P3H2: variants seen among roughly 807,000 people sequenced by gnomAD.
The protein encoded by P3H2 is prolyl 3-hydroxylase 2, also known as leprecan-like 1.
A neutral mutation model predicts 87.0 loss-of-function variants in P3H2; 80 were observed. That is an observed-to-expected ratio of 0.92 (90% CI 0.77 to 1.11). The LOEUF is 1.11. Among genes scored for constraint, P3H2 ranks in the 50% least tolerant of loss-of-function variants. P3H2 has a pLI of 0.00. For missense variants in P3H2, 1,001 were observed against 923.9 expected (o/e 1.08, Z -1.08); for synonymous variants, 367 against 359.3 (o/e 1.02, Z -0.24).
intron 1 of P3H2, among the ~76,000 whole-genome samples, chr3:189,998,778 T>C (rs1198647639): frequency 1.3e-5 from 2 of 152,220 alleles, no homozygotes; most frequent in Non-Finnish European, 2.9e-5. Context: ...CCCAGTCTTT[T>C]TGGCACCAGG....
intron 1 of P3H2, among the ~76,000 whole-genome samples, chr3:190,106,530 G>A (rs764776483): frequency 6.6e-6 from 1 of 150,826 alleles, no homozygotes; most frequent in African/African-American, 2.4e-5. Context: ...TAGAAACTAT[G>A]AGGCAAGGAA....
At chr3:190,045,314 T>C (rs775658662) in intron 1 of P3H2, among the ~76,000 whole-genome samples, 1 of 152,234 alleles carries the variant, frequency 6.6e-6, no homozygotes, top group Non-Finnish European at 1.5e-5. Flanking sequence ...CACTTAGATA[T>C]AAGCTTCGTG....
chr3:189,996,252 T>C (rs945580258), intron 1 of P3H2, among the ~76,000 whole-genome samples: 6 of 152,308 alleles, frequency 3.9e-5, no homozygotes, highest in Admixed American at 2.6e-4. Flanking sequence ...ATGTGGTACA[T>C]ATACACAATG....
At chr3:190,068,140 A>G (rs1726573766) in intron 1 of P3H2, among the ~76,000 whole-genome samples, 1 of 152,186 alleles carries the variant, frequency 6.6e-6, no homozygotes, top group Non-Finnish European at 1.5e-5. Context: ...TACATTGTTT[A>G]TAAAAATTTT....
intron 1 of P3H2, among the ~76,000 whole-genome samples, chr3:190,032,474 G>T (rs1334464412): frequency 6.6e-6 from 1 of 152,114 alleles, no homozygotes; most frequent in Non-Finnish European, 1.5e-5. Flanking sequence ...ATCACAAAAA[G>T]AAGGAGGAAG....
At chr3:189,984,454 C>T in intron 7 of P3H2, 96 bp downstream of exon 7, 4 of 933,850 alleles carry the variant, frequency 4.3e-6, no homozygotes, top group Non-Finnish European at 7.1e-6. Flanking sequence ...ATTATATCTC[C>T]TTGCCTATTT....
chr3:189,970,971 G>C lies in P3H2; in HGVS notation c.1818-80C>G. 3 of 814,562 alleles carry C rather than the reference G, an allele frequency of 3.7e-6. No individual in the cohort carries two copies. In the Admixed American group the frequency reaches 5.5e-5, roughly 15 times the overall value. The allele number at this position is 814,562 out of a possible 1,614,324, so 50.5% of individuals were successfully genotyped here. A position where few individuals can be genotyped will look rare whatever the true frequency, so the allele number is the denominator to read the frequency against. On this transcript the variant is annotated intron_variant, in intron 12 of 14. Coordinates refer to ENST00000319332, the MANE Select transcript of P3H2 (RefSeq NM_018192.4). ...TCATAGAATACTGAAGACTGGTGAT[G>C]TACTGTCCAGCCTCCATTAGTAAGT...
chr3:189,969,927 G>A, intron 13 of P3H2: 1 of 789,692 alleles, frequency 1.3e-6, no homozygotes, highest in South Asian at 1.4e-5. Context: ...GTGGGCCAAA[G>A]AGCGGCAGCA....
At chr3:189,969,326 C>G in intron 13 of P3H2, 1 of 884,940 alleles carries the variant, frequency 1.1e-6, no homozygotes. Flanking sequence ...AAGCTTTCTG[C>G]TCAAGAGATA....
intron 1 of P3H2, among the ~76,000 whole-genome samples, chr3:190,085,755 C>T (rs1408710963): frequency 1.3e-5 from 2 of 151,980 alleles, no homozygotes; most frequent in Admixed American, 6.6e-5. Flanking sequence ...TATTAATTAT[C>T]CCTCTATTCA....
chr3:190,023,069 G>A (rs532633721), intron 1 of P3H2, among the ~76,000 whole-genome samples: 125 of 152,078 alleles, frequency 8.2e-4, no homozygotes, highest in Middle Eastern at 3.4e-3. Context: ...CTCACGATCC[G>A]CCCGCCTTGG....
At chr3:190,018,805 T>C (rs1362585096) in intron 1 of P3H2, among the ~76,000 whole-genome samples, 1 of 152,248 alleles carries the variant, frequency 6.6e-6, no homozygotes, top group Admixed American at 6.5e-5. Flanking sequence ...CTGTAAGTGC[T>C]TGTTGATGTA....
At chr3:190,059,447 T>C (rs1481051845) in intron 1 of P3H2, among the ~76,000 whole-genome samples, 1 of 152,032 alleles carries the variant, frequency 6.6e-6, no homozygotes, top group Non-Finnish European at 1.5e-5. Context: ...TCACTGGTTT[T>C]AGTCATGGGG....
intron 1 of P3H2, among the ~76,000 whole-genome samples, chr3:190,074,829 TAAGA>T (rs1220646209): frequency 6.6e-6 from 1 of 152,198 alleles, no homozygotes; most frequent in Non-Finnish European, 1.5e-5. Flanking sequence ...AAAATAAAAT[TAAGA>T]AAGACCTGAA....
intron 1 of P3H2, among the ~76,000 whole-genome samples, chr3:190,108,687 A>T (rs1711948739): frequency 6.6e-6 from 1 of 152,214 alleles, no homozygotes; most frequent in African/African-American, 2.4e-5. Context: ...TTACTTGAAG[A>T]TAGGAAGAGT....
chr3:190,064,150 CCTAA>C (rs1244616085), intron 1 of P3H2, among the ~76,000 whole-genome samples: 1 of 146,918 alleles, frequency 6.8e-6, no homozygotes, highest in East Asian at 1.9e-4. Flanking sequence ...CACCACCACA[CCTAA>C]CTTTTTTTTT....
intron 1 of P3H2, among the ~76,000 whole-genome samples, chr3:190,045,863 T>A (rs753800580): frequency 3.9e-5 from 6 of 152,060 alleles, no homozygotes; most frequent in Admixed American, 6.6e-5. Context: ...GGCTCACACC[T>A]GTAATCCCAG....
rs879286759 is a variant in P3H2, at chr3:189,973,507, C to CTTTTTT, written c.1548+401_1548+402insAAAAAA. 2.4e-3 allele frequency among the ~76,000 whole-genome samples: 193 copies of CTTTTTT among 78,926 alleles called. 10 individuals carry two copies. Among genetic ancestry groups the CTTTTTT allele is most frequent in the South Asian group, 4.2e-3 (8 of 1,890 alleles). The allele number at this position is 78,926 out of a possible 152,430, so 51.8% of individuals were successfully genotyped here. On this transcript the variant is annotated intron_variant, in intron 10 of 14. Transcript: ENST00000319332. ...TCAAAACTTTTTTCTTTCTTTCTTT[C>CTTTTTT]TTTCTTTTTTTTTTTTTTTTTTTTT... is the stretch of plus-strand genomic sequence containing the variant.
At chr3:190,041,059 C>G (rs1225284919) in intron 1 of P3H2, among the ~76,000 whole-genome samples, 1 of 45,234 alleles carries the variant, frequency 2.2e-5, no homozygotes, top group South Asian at 1.1e-3. Flanking sequence ...CACACACACA[C>G]ACACACACAC....
Sources: allele counts gnomAD v4.1 joint callset (sites outside exome capture counted in the v4.1 genomes callset), GRCh38; gene constraint gnomAD v4.1.1; transcripts MANE v1.5; gene names NCBI Gene and HGNC (gene_info 2026-07-23, HGNC 2026-07-21).